Variants in DNAH6 observed in about 807,000 individuals in gnomAD.
DNAH6 encodes the protein axonemal beta dynein heavy chain 6.
A neutral mutation model predicts 491.4 loss-of-function variants in DNAH6; 340 were observed. The ratio of observed to expected loss-of-function variants is 0.69; its 90% confidence interval spans 0.63 to 0.76. DNAH6 has a LOEUF of 0.76. Ranked by LOEUF, DNAH6 falls within the 30% of genes least tolerant of loss-of-function variation. The probability of loss-of-function intolerance (pLI) is 0.00; values close to 1 mark genes in which losing one functional copy is unlikely to be tolerated. For missense variants in DNAH6, 4,443 were observed against 4,972.2 expected, an observed-to-expected ratio of 0.89 and a Z score of 3.20; for synonymous variants, 1,603 against 1,686.1, an observed-to-expected ratio of 0.95 and a Z score of 1.21.
At chr2:84,478,582 C>G in the DNAH6 span, among the ~76,000 whole-genome samples, 9 of 152,262 alleles carry the variant, frequency 5.9e-5, no homozygotes, top group African/African-American at 2.2e-4. Context: ...ATATAGTTTT[C>G]TTTCCTCATA....
intron 34 of DNAH6, 100 bp from the exon 35 acceptor site, chr2:84,654,560 C>A (rs1690767224): frequency 1.4e-6 from 2 of 1,458,102 alleles, no homozygotes; most frequent in Non-Finnish European, 1.8e-6. Context: ...TGTTGTTAGA[C>A]TTTAAAAGTG....
Position 84,595,694 on chromosome 2 carries a change from A to G in DNAH6, c.2773A>G (p.Lys925Glu). 1 of 1,551,144 alleles carries G rather than the reference A, an allele frequency of 6.4e-7. No individual in the cohort carries two copies. Among genetic ancestry groups the G allele is most frequent in the Non-Finnish European group, 8.7e-7 (1 of 1,146,698 alleles). The change falls in exon 18 of 77, where the codon AAA (lysine) becomes GAA (glutamate). Residue 925 changes from lysine to glutamate, a missense_variant. Physicochemically the swap from Lys to Glu is moderately conservative, Grantham distance 56. Coordinates refer to ENST00000389394, the MANE Select transcript of DNAH6 (RefSeq NM_001370.2). ...AGAAGTCCTAAACGGTCAAGTTTCTAAATATGCTAAATTTGTGACTCAACT... is the reference window on the plus strand; with the variant it reads ...AGAAGTCCTAAACGGTCAAGTTTCTGAATATGCTAAATTTGTGACTCAACT... ...DPEVLNGQVS[K>E]YAKFVTQLEK...
In DNAH6 at chr2:84,595,785, A is replaced by G; in HGVS notation, c.2864A>G (p.Glu955Gly). The change falls in exon 18 of 77, where the codon GAA (glutamate) becomes GGA (glycine). Residue 955 changes from glutamate (E) to glycine (G), a missense_variant. Glu to Gly is a moderately conservative substitution (Grantham distance 98). Coordinates refer to ENST00000389394, the MANE Select transcript of DNAH6 (RefSeq NM_001370.2). ...QLKYKVEKMKEKLPVIIDLRN... is the reference protein window; with the variant it reads ...QLKYKVEKMKGKLPVIIDLRN... ...AAATACAAGGTGGAAAAAATGAAAG[A>G]AAAGGTAAGGTTGGTAGAAGTTATT... 6.5e-7 allele frequency: 1 copy of G among 1,545,946 alleles called. No homozygotes were observed. Among genetic ancestry groups the G allele is most frequent in the South Asian group, 1.2e-5 (1 of 82,076 alleles).
chr2:84,502,542 A>G, the DNAH6 span, among the ~76,000 whole-genome samples: 8 of 152,210 alleles, frequency 5.3e-5, no homozygotes, highest in Admixed American at 6.5e-5. Flanking sequence ...CATTTGCTCT[A>G]TAATGCAGAT....
intron 46 of DNAH6, among the ~76,000 whole-genome samples, chr2:84,695,896 A>T (rs927872718): frequency 3.9e-5 from 6 of 152,090 alleles, no homozygotes; most frequent in African/African-American, 1.4e-4. Flanking sequence ...TTCTCTTTAG[A>T]CAAAAAGTTA....
intron 69 of DNAH6, 103 bp downstream of exon 69, chr2:84,796,528 C>T (rs972462270): frequency 6.9e-6 from 7 of 1,017,798 alleles, no homozygotes; most frequent in Non-Finnish European, 6.9e-6. Flanking sequence ...GTCTCCACAA[C>T]GCTGTTATAG....
intron 24 of DNAH6, among the ~76,000 whole-genome samples, chr2:84,620,509 T>G (rs960444792): frequency 2.0e-5 from 3 of 151,908 alleles, no homozygotes; most frequent in Non-Finnish European, 4.4e-5. Context: ...ACACACAAAG[T>G]CAAGTATGAT....
chr2:84,561,315 T>G (rs1370608239), intron 11 of DNAH6, among the ~76,000 whole-genome samples: 1 of 152,132 alleles, frequency 6.6e-6, no homozygotes, highest in Non-Finnish European at 1.5e-5. Flanking sequence ...TAAATGGTGC[T>G]GGGAAAACTG....
chr2:84,710,249 T>C (rs1168734449), intron 55 of DNAH6, 38 bp from the exon 56 acceptor site: 1 of 1,540,422 alleles, frequency 6.5e-7, no homozygotes, highest in Non-Finnish European at 8.8e-7. Flanking sequence ...TTTATTATGC[T>C]CTGAAGCAAA....
intron 26 of DNAH6, among the ~76,000 whole-genome samples, chr2:84,623,854 A>G (rs1472315271): frequency 6.6e-6 from 1 of 152,188 alleles, no homozygotes; most frequent in Non-Finnish European, 1.5e-5. Context: ...TTAATGGGAA[A>G]ACCACCCCTA....
At position 84,688,085 on chromosome 2, in the gene DNAH6, A is replaced by G. The variant is rs373811500; in HGVS notation, c.7138-354A>G. On this transcript the variant is annotated intron_variant, in intron 44 of 76. Coordinates refer to ENST00000389394, the MANE Select transcript of DNAH6 (RefSeq NM_001370.2). Reference sequence around the variant, plus strand: ...CCCCGTCTGTACTAAAAATACAAAAATAAGCTGGGCGTGGTGGTGGGCGCC... The same window carrying G: ...CCCCGTCTGTACTAAAAATACAAAAGTAAGCTGGGCGTGGTGGTGGGCGCC... Among the ~76,000 whole-genome samples, 3 of 152,118 alleles carry G rather than the reference A, an allele frequency of 2.0e-5. No individual in the cohort carries two copies. In the East Asian group the frequency reaches 5.8e-4, roughly 29 times the overall value.
At chr2:84,787,907 A>G (rs1418821917) in intron 68 of DNAH6, among the ~76,000 whole-genome samples, 3 of 152,196 alleles carry the variant, frequency 2.0e-5, no homozygotes, top group Non-Finnish European at 4.4e-5. Context: ...GGGCTCAAGT[A>G]GTAAGGGAGA....
At chr2:84,610,543 T>G (rs1298826433) in intron 21 of DNAH6, among the ~76,000 whole-genome samples, 1 of 152,214 alleles carries the variant, frequency 6.6e-6, no homozygotes, top group Non-Finnish European at 1.5e-5. Context: ...CATGTTCTTT[T>G]GATTTTATTC....
At chr2:84,558,408 A>C (rs1364866336) in intron 11 of DNAH6, among the ~76,000 whole-genome samples, 1 of 150,678 alleles carries the variant, frequency 6.6e-6, no homozygotes, top group Non-Finnish European at 1.5e-5. Flanking sequence ...TAGGTGACAG[A>C]GCGAGACTCC....
At chr2:84,465,291 C>A in the DNAH6 span, among the ~76,000 whole-genome samples, 1 of 152,072 alleles carries the variant, frequency 6.6e-6, no homozygotes, top group Admixed American at 6.5e-5. Context: ...GTCAGGAGAT[C>A]GAGACCATCC....
the DNAH6 span, among the ~76,000 whole-genome samples, chr2:84,490,737 T>A: frequency 2.0e-5 from 3 of 152,090 alleles, no homozygotes; most frequent in African/African-American, 7.2e-5. Context: ...AATTTTTATA[T>A]CTTTAGTAGA....
chr2:84,486,817 T>A, the DNAH6 span, among the ~76,000 whole-genome samples: 1 of 152,182 alleles, frequency 6.6e-6, no homozygotes, highest in Non-Finnish European at 1.5e-5. Flanking sequence ...GGAAACTGCT[T>A]CTACAAAACC....
chr2:84,554,305 G>A (rs370856756), intron 10 of DNAH6, among the ~76,000 whole-genome samples: 22 of 152,266 alleles, frequency 1.4e-4, no homozygotes, highest in African/African-American at 5.3e-4. Flanking sequence ...ACCTAATCAT[G>A]GGACTGGCAT....
At chr2:84,486,084 T>G in the DNAH6 span, among the ~76,000 whole-genome samples, 1 of 152,218 alleles carries the variant, frequency 6.6e-6, no homozygotes, top group African/African-American at 2.4e-5. Flanking sequence ...ATATCAACTT[T>G]GTGTGATAAT....
Sources: gnomAD v4.1 joint callset for allele counts (sites outside exome capture counted in the v4.1 genomes callset) on GRCh38, gnomAD v4.1.1 for gene constraint, MANE v1.5 for transcripts, NCBI Gene and HGNC (gene_info 2026-07-23, HGNC 2026-07-21) for gene names.